MSH6: variants seen among roughly 807,000 people sequenced by gnomAD.
The protein encoded by MSH6 is mutS homolog 6, also known as DNA mismatch repair protein Msh6.
In MSH6, 85 loss-of-function variants were observed where a neutral mutation model predicts 119.1. That is an observed-to-expected ratio of 0.71 (90% confidence interval 0.60 to 0.85). MSH6 has a LOEUF of 0.85. Ranked by LOEUF, MSH6 falls within the 40% of genes least tolerant of loss-of-function variation. The pLI is 0.00. For synonymous variants in MSH6, 830 were observed against 586.9 expected (o/e 1.41, Z -5.99); for missense variants, 2,163 against 1,655.3 (o/e 1.31, Z -5.32).
rs1572721339 is a variant in MSH6 at position 47,799,015 on chromosome 2, A to G, written c.1032A>G (p.Gln344=). 6 of 1,614,242 alleles carry G rather than the reference A, an allele frequency of 3.7e-6. No homozygotes were observed. Among genetic ancestry groups the G allele is most frequent in the Non-Finnish European group, 5.1e-6 (6 of 1,180,040 alleles). ...KNTLRAFSAP[Q]NSESQAHVSG... is the part of the protein sequence containing the mutation. ...CTTTGAGAGCTTTCTCTGCCCCTCA[A>G]AATTCTGAATCCCAAGCCCACGTTA... The change falls in exon 4 of 10, where the codon CAA becomes CAG. Residue 344 remains glutamine, a synonymous_variant. Transcript: ENST00000234420.
At position 47,799,064 on chromosome 2, in the gene MSH6, C is replaced by T. The variant is rs587782651; in HGVS notation, c.1081C>T (p.Arg361Cys). Residue 361 changes from arginine to cysteine, a missense_variant, in exon 4 of 10, where the codon CGC becomes TGC. Coordinates refer to ENST00000234420, the MANE Select transcript of MSH6 (RefSeq NM_000179.3). ...TAGTGGAGGTGGTGATGACAGTAGT[C>T]GCCCTACTGTTTGGTATCATGAAAC... ...HVSGGGDDSS[R>C]PTVWYHETLE... The T allele has an allele frequency of 2.4e-5, 38 of 1,613,958 alleles. No individual in the cohort carries two copies. The Admixed American group carries it at 4.3e-4, about 18-fold the overall frequency.
chr2:47,783,274 C>G lies in MSH6; in HGVS notation c.41C>G (p.Ser14Cys), dbSNP rs863224628. ...ACCCTGTACAGCTTCTTCCCCAAGT[C>G]TCCGGCGCTGAGTGATGCCAACAAG... ...QSTLYSFFPK[S>C]PALSDANKAS... Residue 14 changes from serine (S) to cysteine (C), a missense_variant, in exon 1 of 10, where the codon TCT (serine) becomes TGT (cysteine). Ser to Cys is a moderately radical substitution (Grantham distance 112, BLOSUM62 -1). Coordinates refer to ENST00000234420, the MANE Select transcript of MSH6 (RefSeq NM_000179.3). 6.2e-7 allele frequency: 1 copy of G among 1,612,246 alleles called. No homozygotes were observed. The highest frequency in any genetic ancestry group is 8.5e-7 in the Non-Finnish European group (1 of 1,179,606).
intron 4 of MSH6, 189 bp downstream of exon 4, chr2:47,801,344 C>A: frequency 3.3e-6 from 1 of 300,846 alleles, no homozygotes; most frequent in Non-Finnish European, 5.9e-6. Flanking sequence ...TCTTAGTAGC[C>A]CTTTGGCCTT....
At position 47,799,057 on chromosome 2, in the gene MSH6, C is replaced by G. The variant is rs760311819; in HGVS notation, c.1074C>G (p.Asp358Glu). ...CCCACGTTAGTGGAGGTGGTGATGA[C>G]AGTAGTCGCCCTACTGTTTGGTATC... ...SQAHVSGGGD[D>E]SSRPTVWYHE... The change falls in exon 4 of 10, where the codon GAC becomes GAG. Residue 358 changes from aspartate (D) to glutamate (E), a missense_variant. Transcript: ENST00000234420. 3.1e-6 allele frequency: 5 copies of G among 1,614,152 alleles called. No individual in the cohort carries two copies. The East Asian group carries it at 1.1e-4, about 36-fold the overall frequency.
chr2:47,807,074 T>G (rs1446077768), downstream of MSH6: 1 of 550,764 alleles, frequency 1.8e-6, no homozygotes, highest in South Asian at 2.2e-5. Flanking sequence ...ATGCATACAC[T>G]TTCAGGCTGT....
Position 47,799,590 on chromosome 2 carries a change from G to C in MSH6, c.1607G>C (p.Ser536Thr), listed in dbSNP as rs587782352. 1.9e-6 allele frequency: 3 copies of C among 1,614,058 alleles called. No homozygotes were observed. The highest frequency in any genetic ancestry group is 2.5e-6 in the Non-Finnish European group (3 of 1,180,032). The change falls in exon 4 of 10, where the codon AGT (serine) becomes ACT (threonine). Residue 536 changes from serine to threonine, a missense_variant. Ser to Thr is a moderately conservative substitution (Grantham distance 58). Coordinates refer to ENST00000234420, the MANE Select transcript of MSH6 (RefSeq NM_000179.3). ...GAAGGTGATCCCTCTGAGAACTACA[G>C]TAAGTATCTTCTTAGCCTCAAAGAA... ...VLEGDPSENY[S>T]KYLLSLKEKE...
chr2:47,801,241 G>A lies in MSH6; in HGVS notation c.3172+86G>A, dbSNP rs2104445818. 4.4e-6 allele frequency: 6 copies of A among 1,369,948 alleles called. No individual in the cohort carries two copies. In the South Asian group the frequency reaches 4.8e-5, roughly 11 times the overall value. The allele number at this position is 1,369,948 out of a possible 1,614,324, so 84.9% of individuals were successfully genotyped here. ...TATTATCCCTAAAAATAAGTAATAA[G>A]GTATATATGGTACATATTTTGACAT... On this transcript the variant is annotated intron_variant, in intron 4 of 9. Coordinates refer to ENST00000234420, the MANE Select transcript of MSH6 (RefSeq NM_000179.3).
chr2:47,792,901 C>T (rs1668833087), intron 2 of MSH6, among the ~76,000 whole-genome samples: 1 of 148,586 alleles, frequency 6.7e-6, no homozygotes, highest in African/African-American at 2.5e-5. Flanking sequence ...ATGTTGCCCC[C>T]AGGGTGGTCT....
rs554884560 is a variant in MSH6 at position 47,798,734 on chromosome 2, A to G, written c.751A>G (p.Ile251Val). 8.7e-6 allele frequency: 14 copies of G among 1,614,100 alleles called. No individual in the cohort carries two copies. Among genetic ancestry groups the G allele is most frequent in the Middle Eastern group, 1.6e-4 (1 of 6,084 alleles). The change falls in exon 4 of 10, where the codon ATA (isoleucine) becomes GTA (valine). Residue 251 changes from isoleucine to valine, a missense_variant. Transcript: ENST00000234420. Reference protein sequence around the residue: ...SSRQIKKRRVISDSESDIGGS... With the variant: ...SSRQIKKRRVVSDSESDIGGS... The stretch of plus-strand genomic sequence containing the variant: ...CCGCCAAATAAAAAAACGAAGGGTC[A>G]TATCAGATTCTGAGAGTGACATTGG...
At chr2:47,792,117 AT>A (rs1392674245) in intron 2 of MSH6, among the ~76,000 whole-genome samples, 1 of 151,968 alleles carries the variant, frequency 6.6e-6, no homozygotes, top group African/African-American at 2.4e-5. Flanking sequence ...AAGTGCTGGG[AT>A]TATAGGCGTG....
intron 4 of MSH6, chr2:47,801,445 G>A (rs1157585442): frequency 1.9e-5 from 6 of 317,608 alleles, no homozygotes; most frequent in Middle Eastern, 1.1e-3. Flanking sequence ...CATGGCTACT[G>A]CAGCCTCGAC....
intron 3 of MSH6, among the ~76,000 whole-genome samples, chr2:47,797,375 A>C (rs771839048): frequency 1.3e-5 from 2 of 152,240 alleles, no homozygotes; most frequent in African/African-American, 2.4e-5. Context: ...GGATCATAAC[A>C]TTATCAGAGG....
chr2:47,801,971 C>G (rs1212382925), intron 4 of MSH6, among the ~76,000 whole-genome samples: 1 of 152,180 alleles, frequency 6.6e-6, no homozygotes, highest in Non-Finnish European at 1.5e-5. Flanking sequence ...TGTTATACTT[C>G]ATGAGACAGG....
intron 1 of MSH6, among the ~76,000 whole-genome samples, chr2:47,788,246 C>CT (rs560110301): frequency 0.016 from 1,476 of 89,982 alleles, 174 homozygotes; most frequent in African/African-American, 0.032. Flanking sequence ...TTCTTTCTTT[C>CT]TTTTTTTTTT....
rs3136365 is a variant in MSH6, at chr2:47,806,375, T to C, written c.3801+17T>C. The stretch of plus-strand genomic sequence containing the variant: ...GGACATATGGTATGTGCAAATTGTT[T>C]TTTTCCACAAATTCGGTTTTTTGAG... On this transcript the variant is annotated intron_variant, in intron 8 of 9. Transcript: ENST00000234420. 461 of 1,613,978 alleles carry C rather than the reference T, an allele frequency of 2.9e-4. 3 individuals carry two copies. In the African/African-American group the frequency reaches 5.2e-3, roughly 18 times the overall value.
rs928923556 is a variant in MSH6 at position 47,800,396 on chromosome 2, A to G, written c.2413A>G (p.Ile805Val). The change falls in exon 4 of 10, where the codon ATC becomes GTC. Residue 805 changes from isoleucine to valine, a missense_variant. Physicochemically the swap from Ile to Val is conservative, Grantham distance 29. Transcript: ENST00000234420. ...IEDLMVVPDKISEVVELLKKL... is the reference protein window; with the variant it reads ...IEDLMVVPDKVSEVVELLKKL... ...AGACCTCATGGTTGTGCCTGACAAA[A>G]TCTCCGAAGTTGTAGAGCTTCTAAA... is the stretch of plus-strand genomic sequence containing the variant. 2.5e-6 allele frequency: 4 copies of G among 1,614,014 alleles called. No homozygotes were observed. Among genetic ancestry groups the G allele is most frequent in the Admixed American group, 3.3e-5 (2 of 60,004 alleles).
intron 1 of MSH6, among the ~76,000 whole-genome samples, chr2:47,788,309 C>A (rs1231653559): frequency 1.6e-5 from 2 of 126,138 alleles, no homozygotes; most frequent in Non-Finnish European, 3.1e-5. Context: ...GGCTGGAGTG[C>A]AGTGGCACGA....
At position 47,783,465 on chromosome 2, in the gene MSH6, A is replaced by G. The variant is rs1553408408; in HGVS notation, c.232A>G (p.Arg78Gly). The change falls in exon 1 of 10, where the codon AGA becomes GGA. Residue 78 changes from arginine to glycine, a missense_variant. Physicochemically the swap from Arg to Gly is moderately radical, Grantham distance 125. Transcript: ENST00000234420. Reference sequence around the variant, plus strand: ...GAAGAACCTCAACGGAGGGCTGCGGAGATCGGTAGCGCCTGCTGCCCCCAC... The same window carrying G: ...GAAGAACCTCAACGGAGGGCTGCGGGGATCGGTAGCGCCTGCTGCCCCCAC... ...KAKNLNGGLRRSVAPAAPTSC... is the reference protein window; with the variant it reads ...KAKNLNGGLRGSVAPAAPTSC... 2.8e-6 allele frequency: 4 copies of G among 1,452,814 alleles called. No homozygotes were observed. Among genetic ancestry groups the G allele is most frequent in the Non-Finnish European group, 3.6e-6 (4 of 1,103,082 alleles). 90.0% of individuals were successfully genotyped at this position (1,452,814 alleles called of 1,614,324 possible).
rs1161502314 is a variant in MSH6, at chr2:47,800,830, G to T, written c.2847G>T (p.Gln949His). The change falls in exon 4 of 10, where the codon CAG (glutamine) becomes CAT (histidine). Residue 949 changes from glutamine (Q) to histidine (H), a missense_variant. Physicochemically the swap from Gln to His is conservative, Grantham distance 24 (BLOSUM62 0). Coordinates refer to ENST00000234420, the MANE Select transcript of MSH6 (RefSeq NM_000179.3). ...QALADIRENE[Q>H]SLLEYLEKQR... ...TTGCTGACATAAGAGAAAATGAACA[G>T]AGCCTCCTGGAATACCTAGAGAAAC... 6.2e-7 allele frequency: 1 copy of T among 1,613,998 alleles called. No homozygotes were observed. The highest frequency in any genetic ancestry group is 8.5e-7 in the Non-Finnish European group (1 of 1,180,024).
Sources: allele counts gnomAD v4.1 joint callset (sites outside exome capture counted in the v4.1 genomes callset), GRCh38; gene constraint gnomAD v4.1.1; transcripts MANE v1.5; gene names NCBI Gene and HGNC (gene_info 2026-07-23, HGNC 2026-07-21).